Variants in TRHDE observed in about 807,000 individuals in gnomAD.
The protein encoded by TRHDE is thyrotropin releasing hormone degrading enzyme.
Under a neutral mutation model 125.7 loss-of-function variants are expected in TRHDE, and 72 were observed. That is an observed-to-expected ratio of 0.57 (90% confidence interval 0.47 to 0.70). The LOEUF (loss-of-function observed/expected upper bound fraction) is 0.70. TRHDE is among the 30% of genes least tolerant of loss of function. The pLI is 0.00. For synonymous variants in TRHDE, 509 were observed against 509.1 expected (o/e 1.00, Z 0.00); for missense variants, 1,110 against 1,327.1 (o/e 0.84, Z 2.54).
Position 72,474,849 on chromosome 12 carries a change from G to A in TRHDE, c.1584+1669G>A, listed in dbSNP as rs146268814. 3.3e-5 allele frequency among the ~76,000 whole-genome samples: 5 copies of A among 151,650 alleles called. No homozygotes were observed. In the East Asian group the frequency reaches 7.8e-4, roughly 24 times the overall value. On this transcript the variant is annotated intron_variant, in intron 5 of 18. Transcript: ENST00000261180. The stretch of plus-strand genomic sequence containing the variant: ...TAACTTCTCCAACATAAATTTAAAC[G>A]ACTCCTGCTGAGAAAAAAAAATGAA...
intron 3 of TRHDE, among the ~76,000 whole-genome samples, chr12:72,391,568 C>T (rs531854772): frequency 3.9e-5 from 6 of 152,056 alleles, no homozygotes; most frequent in Non-Finnish European, 8.8e-5. Flanking sequence ...GTGTCTTCAG[C>T]AGCATAGAAT....
At chr12:72,097,103 G>A (rs1352002559) in intron 1 of TRHDE, among the ~76,000 whole-genome samples, 1 of 152,204 alleles carries the variant, frequency 6.6e-6, no homozygotes, top group East Asian at 1.9e-4. Flanking sequence ...TGTACAAAGA[G>A]TAAGGAAGAG....
chr12:72,176,671 T>C (rs1007225725), intron 2 of TRHDE, among the ~76,000 whole-genome samples: 4 of 152,228 alleles, frequency 2.6e-5, no homozygotes, highest in Admixed American at 6.5e-5. Flanking sequence ...GGGAAAAATA[T>C]AGCAATTGAG....
At chr12:72,571,912 C>T (rs1210515108) in intron 10 of TRHDE, among the ~76,000 whole-genome samples, 9 of 148,254 alleles carry the variant, frequency 6.1e-5, no homozygotes, top group Non-Finnish European at 1.0e-4. Flanking sequence ...CAGTTGATTA[C>T]GTAAAGAGGT....
chr12:72,546,139 T>C (rs548502109), intron 7 of TRHDE, among the ~76,000 whole-genome samples: 1 of 151,834 alleles, frequency 6.6e-6, no homozygotes, highest in Non-Finnish European at 1.5e-5. Flanking sequence ...GTCAATACCC[T>C]AACTCTCACA....
chr12:72,268,412 G>A (rs1052548910), upstream of TRHDE, among the ~76,000 whole-genome samples: 2 of 152,066 alleles, frequency 1.3e-5, no homozygotes, highest in Admixed American at 1.3e-4. Context: ...GTTAGCTTCT[G>A]TACTGTATAT....
intron 6 of TRHDE, among the ~76,000 whole-genome samples, chr12:72,517,323 C>T (rs1878922417): frequency 1.3e-5 from 2 of 151,868 alleles, no homozygotes; most frequent in African/African-American, 4.8e-5. Context: ...AATTTCAGCT[C>T]CTGTTATTGG....
intron 5 of TRHDE, among the ~76,000 whole-genome samples, chr12:72,493,459 G>T (rs1877773879): frequency 6.6e-6 from 1 of 151,888 alleles, no homozygotes; most frequent in Non-Finnish European, 1.5e-5. Context: ...GATCACAAAG[G>T]TAAAGCACAT....
intron 7 of TRHDE, among the ~76,000 whole-genome samples, chr12:72,558,062 A>C (rs2136005586): frequency 6.6e-6 from 1 of 152,086 alleles, no homozygotes. Context: ...AGAGAGAGAG[A>C]AAGCACCTAT....
At position 72,543,972 on chromosome 12, in the gene TRHDE, A is replaced by C. The variant is rs114988935; in HGVS notation, c.1788+1616A>C. On this transcript the variant is annotated intron_variant, in intron 7 of 18. Transcript: ENST00000261180. ...TAGCCTCTGACTCATATCATATTAA[A>C]CTTTCATTCCAAGCTTGTATTAATG... is the stretch of plus-strand genomic sequence containing the variant. Among the ~76,000 whole-genome samples the C allele has an allele frequency of 5.5e-3, 828 of 151,282 alleles. 10 individuals carry two copies. The highest frequency in any genetic ancestry group is 0.018 in the African/African-American group (755 of 41,386).
At chr12:72,475,654 A>G (rs892514105) in intron 5 of TRHDE, among the ~76,000 whole-genome samples, 1 of 152,226 alleles carries the variant, frequency 6.6e-6, no homozygotes, top group African/African-American at 2.4e-5. Flanking sequence ...AGTGTAAATA[A>G]GACAACTGAG....
At chr12:72,463,000 CAGAA>C (rs1876199464) in intron 3 of TRHDE, among the ~76,000 whole-genome samples, 1 of 152,112 alleles carries the variant, frequency 6.6e-6, no homozygotes, top group Admixed American at 6.6e-5. Flanking sequence ...CAAGGAAAAC[CAGAA>C]AGAACAAATT....
At chr12:72,347,906 CAAAAG>C (rs937029418) in intron 2 of TRHDE, among the ~76,000 whole-genome samples, 1 of 151,860 alleles carries the variant, frequency 6.6e-6, no homozygotes, top group Non-Finnish European at 1.5e-5. Flanking sequence ...AGGTGACACT[CAAAAG>C]GAGAGGATTA....
chr12:72,300,635 G>A (rs1461485144), intron 2 of TRHDE, among the ~76,000 whole-genome samples: 1 of 151,068 alleles, frequency 6.6e-6, no homozygotes, highest in African/African-American at 2.4e-5. Flanking sequence ...GTATATATAT[G>A]TTCTCACATG....
chr12:72,596,863 A>G (rs1871963454), intron 12 of TRHDE, among the ~76,000 whole-genome samples: 1 of 152,232 alleles, frequency 6.6e-6, no homozygotes, highest in African/African-American at 2.4e-5. Flanking sequence ...AATCAGCATG[A>G]AAAAGATAAA....
chr12:72,487,844 A>T (rs1877483264), intron 5 of TRHDE, among the ~76,000 whole-genome samples: 2 of 152,132 alleles, frequency 1.3e-5, no homozygotes, highest in Admixed American at 6.5e-5. Flanking sequence ...GGAACACACA[A>T]TATAAAAGAT....
intron 2 of TRHDE, among the ~76,000 whole-genome samples, chr12:72,225,270 T>C (rs1239552534): frequency 6.6e-6 from 1 of 152,208 alleles, no homozygotes; most frequent in Non-Finnish European, 1.5e-5. Flanking sequence ...GTTAATTGAC[T>C]CAGATAAGGA....
chr12:72,430,956 A>G (rs886219177), intron 3 of TRHDE, among the ~76,000 whole-genome samples: 3 of 152,024 alleles, frequency 2.0e-5, no homozygotes, highest in Non-Finnish European at 2.9e-5. Context: ...TAGTTTCAGT[A>G]TACACATTTT....
chr12:72,208,612 A>T (rs950062234), intron 2 of TRHDE, among the ~76,000 whole-genome samples: 7 of 152,154 alleles, frequency 4.6e-5, no homozygotes, highest in Non-Finnish European at 8.8e-5. Flanking sequence ...AATCCTCTGC[A>T]TCTATTTTTT....
Sources: gnomAD v4.1 joint callset for allele counts (sites outside exome capture counted in the v4.1 genomes callset) on GRCh38, gnomAD v4.1.1 for gene constraint, MANE v1.5 for transcripts, NCBI Gene and HGNC (gene_info 2026-07-23, HGNC 2026-07-21) for gene names.